The following GFRA2 variants were observed in gnomAD, a reference collection of about 807,000 sequenced individuals.
GFRA2 encodes GDNF family receptor alpha-2.
Under a neutral mutation model 48.3 loss-of-function variants are expected in GFRA2, and 17 were observed. The observed-to-expected ratio is 0.35, with a 90% CI of 0.24 to 0.53. The LOEUF (loss-of-function observed/expected upper bound fraction) is 0.53. Among genes scored for constraint, GFRA2 ranks in the 20% least tolerant of loss-of-function variants. The pLI is 0.93. For missense variants in GFRA2, 660 were observed against 637.3 expected (o/e 1.04, Z -0.38); for synonymous variants, 305 against 257.2 (o/e 1.19, Z -1.78).
intron 8 of GFRA2, among the ~76,000 whole-genome samples, chr8:21,694,077 T>TTTA (rs1802032776): frequency 4.6e-5 from 5 of 109,290 alleles, no homozygotes; most frequent in African/African-American, 9.5e-5. Flanking sequence ...TTATTTATTT[T>TTTA]TATATATATA....
chr8:21,700,353 C>A (rs533226185), intron 7 of GFRA2, among the ~76,000 whole-genome samples: 1 of 152,346 alleles, frequency 6.6e-6, no homozygotes. Flanking sequence ...GAGAGGGGGC[C>A]AAAGCCTGAA....
chr8:21,775,420 T>C (rs1274365887), intron 2 of GFRA2, among the ~76,000 whole-genome samples: 4 of 152,150 alleles, frequency 2.6e-5, no homozygotes, highest in African/African-American at 7.2e-5. Context: ...CAGGTATCAA[T>C]TGCAGGATTT....
upstream of GFRA2, among the ~76,000 whole-genome samples, chr8:21,789,786 C>T (rs1807501068): frequency 0.17 from 1 of 6 alleles, no homozygotes. Flanking sequence ...GGTCTCCCCT[C>T]CCCCCGGCTC....
intron 7 of GFRA2, among the ~76,000 whole-genome samples, chr8:21,695,862 T>C (rs1446586340): frequency 3.9e-5 from 6 of 152,150 alleles, no homozygotes; most frequent in African/African-American, 9.7e-5. Flanking sequence ...CAGTCCCTAC[T>C]TGTGACATCC....
At chr8:21,792,603 G>A (rs1419410066), upstream of GFRA2, among the ~76,000 whole-genome samples, 3 of 152,246 alleles carry the variant, frequency 2.0e-5, no homozygotes, top group Non-Finnish European at 4.4e-5. Flanking sequence ...CAAAGGCACA[G>A]TGGGAGAAAG....
rs1644490524 is a variant in GFRA2, at chr8:21,788,171, C to G, written c.-12G>C. 1 of 1,578,774 alleles carries G rather than the reference C, an allele frequency of 6.3e-7. No homozygotes were observed. The highest frequency in any genetic ancestry group is 1.7e-5 in the Admixed American group (1 of 57,870). Reference sequence around the variant, plus strand: ...TTTGCCAAGATCATGTTAAATAAATCCCACCGTTTTTTTGTCTTTCTCCCT... The same window carrying G: ...TTTGCCAAGATCATGTTAAATAAATGCCACCGTTTTTTTGTCTTTCTCCCT... On this transcript the variant is annotated 5_prime_UTR_variant, in exon 1 of 9. Coordinates refer to ENST00000524240, the MANE Select transcript of GFRA2 (RefSeq NM_001495.5).
chr8:21,769,220 G>C, intron 3 of GFRA2: 1 of 981,096 alleles, frequency 1.0e-6, no homozygotes, highest in Non-Finnish European at 1.2e-6. Flanking sequence ...AACAAAACAT[G>C]CTCCTCCGAA....
chr8:21,789,865 C>T (rs1454046706), upstream of GFRA2, among the ~76,000 whole-genome samples: 1 of 152,146 alleles, frequency 6.6e-6, no homozygotes, highest in Admixed American at 6.5e-5. Context: ...GCCTGAACCG[C>T]CCCAGAGGAA....
intron 4 of GFRA2, among the ~76,000 whole-genome samples, chr8:21,726,342 G>C (rs1360162969): frequency 6.6e-6 from 1 of 152,226 alleles, no homozygotes; most frequent in African/African-American, 2.4e-5. Flanking sequence ...ACATGAACAA[G>C]ACAGTCCTTC....
chr8:21,780,005 G>A (rs1382715725), intron 2 of GFRA2, among the ~76,000 whole-genome samples: 2 of 150,082 alleles, frequency 1.3e-5, no homozygotes, highest in African/African-American at 2.5e-5. Flanking sequence ...TGGCAACATC[G>A]CCATCACTAC....
upstream of GFRA2, among the ~76,000 whole-genome samples, chr8:21,791,287 C>A (rs1192891740): frequency 6.6e-6 from 1 of 152,098 alleles, no homozygotes; most frequent in South Asian, 2.1e-4. Flanking sequence ...AAGAGGATTC[C>A]GGTAGCAGGA....
chr8:21,807,851 T>A (rs1807901615), intron 1 of GFRA2, among the ~76,000 whole-genome samples: 1 of 152,250 alleles, frequency 6.6e-6, no homozygotes, highest in Non-Finnish European at 1.5e-5. Flanking sequence ...AACATGGACA[T>A]CATAACGCCT....
At chr8:21,704,313 C>T (rs551305887) in intron 6 of GFRA2, among the ~76,000 whole-genome samples, 4 of 152,212 alleles carry the variant, frequency 2.6e-5, no homozygotes, top group African/African-American at 9.6e-5. Flanking sequence ...TCCTCAAGAA[C>T]CCTGTGCAGA....
intron 5 of GFRA2, 77 bp from the exon 6 acceptor site, chr8:21,705,202 GC>G (rs1802681839): frequency 1.4e-6 from 2 of 1,453,460 alleles, no homozygotes; most frequent in Admixed American, 4.3e-5. Flanking sequence ...CCAACCCCAG[GC>G]ACAGCAGGGC....
intron 3 of GFRA2, among the ~76,000 whole-genome samples, chr8:21,768,061 C>T (rs1806266091): frequency 6.6e-6 from 1 of 152,206 alleles, no homozygotes. Flanking sequence ...CTGGCGGCCC[C>T]AAGCGCCGTG....
chr8:21,711,119 C>T (rs1432826858), intron 4 of GFRA2, among the ~76,000 whole-genome samples: 1 of 152,206 alleles, frequency 6.6e-6, no homozygotes, highest in Non-Finnish European at 1.5e-5. Context: ...TTTCATAATA[C>T]AAGGCTGCTG....
intron 3 of GFRA2, among the ~76,000 whole-genome samples, chr8:21,766,094 T>C (rs963881960): frequency 2.0e-5 from 3 of 152,118 alleles, no homozygotes; most frequent in African/African-American, 4.8e-5. Flanking sequence ...CTCATCACTC[T>C]TAAAATAAAA....
Position 21,745,200 on chromosome 8 carries a change from C to T in GFRA2, c.794+5388G>A, listed in dbSNP as rs969673433. The stretch of plus-strand genomic sequence containing the variant: ...GCCACACGGCGAATCGATGTGCTTG[C>T]TTTCATGTGGTGCCAGGTGAGGTCG... On this transcript the variant is annotated intron_variant, in intron 4 of 8. Transcript: ENST00000524240. 2.0e-5 allele frequency among the ~76,000 whole-genome samples: 3 copies of T among 152,224 alleles called. No homozygotes were observed. The East Asian group carries it at 5.8e-4, about 29-fold the overall frequency.
At chr8:21,729,014 C>T (rs570993652) in intron 4 of GFRA2, among the ~76,000 whole-genome samples, 5 of 152,318 alleles carry the variant, frequency 3.3e-5, no homozygotes, top group East Asian at 1.9e-4. Flanking sequence ...GTGGTGTCCA[C>T]CACATGGGGC....
Sources: gnomAD v4.1 joint callset for allele counts (sites outside exome capture counted in the v4.1 genomes callset) on GRCh38, gnomAD v4.1.1 for gene constraint, MANE v1.5 for transcripts, NCBI Gene and HGNC (gene_info 2026-07-23, HGNC 2026-07-21) for gene names.